The following RBFOX1 variants were observed in gnomAD, a reference collection of about 807,000 sequenced individuals.
The protein encoded by RBFOX1 is RNA binding protein fox-1 homolog 1.
In RBFOX1, 8 loss-of-function variants were observed where a neutral mutation model predicts 57.7. The ratio of observed to expected loss-of-function variants is 0.14; its 90% confidence interval spans 0.08 to 0.25. The LOEUF (loss-of-function observed/expected upper bound fraction) is 0.25, where lower values mean the gene tolerates loss of function less well. Ranked by LOEUF, RBFOX1 falls within the 10% of genes least tolerant of loss-of-function variation. The pLI is 1.00. For synonymous variants in RBFOX1, 326 were observed against 222.4 expected (o/e 1.47, Z -4.15); for missense variants, 611 against 548.5 (o/e 1.11, Z -1.14).
intron 1 of RBFOX1, among the ~76,000 whole-genome samples, chr16:6,058,429 C>T (rs1906060): frequency 0.79 from 119,701 of 151,992 alleles, 47,296 homozygotes; most frequent in Non-Finnish European, 0.81. Context: ...TCTTTTAGAC[C>T]GTGTCATTGT....
At chr16:5,452,913 T>TG (rs2068471537) in intron 1 of RBFOX1, among the ~76,000 whole-genome samples, 1 of 152,174 alleles carries the variant, frequency 6.6e-6, no homozygotes, top group Non-Finnish European at 1.5e-5. Context: ...ATTACAGGTG[T>TG]GAACCACCAC....
intron 1 of RBFOX1, among the ~76,000 whole-genome samples, chr16:6,152,721 C>T (rs560053653): frequency 3.3e-5 from 5 of 152,218 alleles, no homozygotes; most frequent in South Asian, 2.1e-4. Context: ...ACATCTTCCA[C>T]GTGGGCCCAC....
intron 3 of RBFOX1, among the ~76,000 whole-genome samples, chr16:6,815,667 C>T (rs2089911339): frequency 6.6e-6 from 1 of 152,080 alleles, no homozygotes; most frequent in South Asian, 2.1e-4. Context: ...CTTACCAGGG[C>T]CAGGATTCAA....
chr16:5,471,034 G>C (rs1364791441), intron 2 of RBFOX1, among the ~76,000 whole-genome samples: 2 of 151,992 alleles, frequency 1.3e-5, no homozygotes, highest in African/African-American at 2.4e-5. Flanking sequence ...TGTATTTTTA[G>C]TAGAGACGGG....
chr16:6,045,293 G>C (rs767647447), intron 1 of RBFOX1, among the ~76,000 whole-genome samples: 1 of 152,192 alleles, frequency 6.6e-6, no homozygotes, highest in African/African-American at 2.4e-5. Flanking sequence ...GGTGGGTACA[G>C]ATACCTTTTA....
rs1568053011 is a variant in RBFOX1, at chr16:7,290,016, A to G, written c.28-228131A>G. ...TTTAATTCTTATTATTTTTCTTCAT[A>G]GGAGAGTAAACCTATAATCTGTGCT... is the stretch of plus-strand genomic sequence containing the variant. On this transcript the variant is annotated intron_variant, in intron 4 of 15. Coordinates refer to ENST00000550418, the MANE Select transcript of RBFOX1 (RefSeq NM_018723.4). 2.0e-5 allele frequency among the ~76,000 whole-genome samples: 3 copies of G among 152,206 alleles called. No individual in the cohort carries two copies. In the South Asian group the frequency reaches 6.2e-4, roughly 31 times the overall value.
intron 3 of RBFOX1, among the ~76,000 whole-genome samples, chr16:6,676,138 A>ACGCG (rs796482455): frequency 4.3e-4 from 12 of 28,052 alleles, no homozygotes; most frequent in East Asian, 3.9e-3. Context: ...ACACACACAC[A>ACGCG]CGCGCACACA....
At chr16:7,304,199 A>G (rs1486684562) in intron 4 of RBFOX1, 42 of 951,588 alleles carry the variant, frequency 4.4e-5, no homozygotes, top group Non-Finnish European at 5.0e-5. Context: ...AGGGGGAGAG[A>G]GACAGAGAGA....
At chr16:5,909,930 G>C (rs765930528) in intron 4 of RBFOX1, among the ~76,000 whole-genome samples, 3 of 152,066 alleles carry the variant, frequency 2.0e-5, no homozygotes, top group Admixed American at 1.3e-4. Flanking sequence ...GCAGGCACCT[G>C]TAATCCCAGC....
At chr16:6,387,297 A>G (rs191807709) in intron 2 of RBFOX1, among the ~76,000 whole-genome samples, 1 of 152,050 alleles carries the variant, frequency 6.6e-6, no homozygotes, top group Non-Finnish European at 1.5e-5. Flanking sequence ...GTTGAGATGC[A>G]TTTCTCCCCA....
At chr16:6,296,752 G>T (rs1294502417) in intron 1 of RBFOX1, among the ~76,000 whole-genome samples, 1 of 152,144 alleles carries the variant, frequency 6.6e-6, no homozygotes, top group African/African-American at 2.4e-5. Flanking sequence ...CATATGGCAT[G>T]GCACTGTTAG....
In RBFOX1 at chr16:6,361,786, G is replaced by C. The variant is rs1429949692; in HGVS notation, c.-64+44729G>C. Among the ~76,000 whole-genome samples the C allele has an allele frequency of 2.6e-5, 4 of 152,162 alleles. No homozygotes were observed. In the South Asian group the frequency reaches 8.3e-4, roughly 32 times the overall value. On this transcript the variant is annotated intron_variant, in intron 2 of 15. Transcript: ENST00000550418. Reference sequence around the variant, plus strand: ...TCAGTGTATTTTAAAGATTTCCCCAGATATTTCTTATCCACAGCCAAAATT... The same window carrying C: ...TCAGTGTATTTTAAAGATTTCCCCACATATTTCTTATCCACAGCCAAAATT...
At chr16:5,811,103 A>G (rs1051117471) in intron 3 of RBFOX1, among the ~76,000 whole-genome samples, 1 of 148,174 alleles carries the variant, frequency 6.7e-6, no homozygotes, top group Admixed American at 6.7e-5. Flanking sequence ...ATTGGTTTGC[A>G]GTTTTTAGAA....
chr16:5,611,673 T>C (rs2047792602), intron 3 of RBFOX1, among the ~76,000 whole-genome samples: 1 of 134,626 alleles, frequency 7.4e-6, no homozygotes, highest in East Asian at 2.1e-4. Context: ...TACTCTCTCA[T>C]CCATCCATCC....
intron 4 of RBFOX1, among the ~76,000 whole-genome samples, chr16:7,181,575 C>G (rs1476095206): frequency 1.3e-5 from 2 of 151,804 alleles, no homozygotes; most frequent in East Asian, 1.9e-4. Context: ...CTCTTCCTCT[C>G]TTTCTCGCTT....
chr16:7,054,412 T>G (rs889565150), intron 4 of RBFOX1, among the ~76,000 whole-genome samples: 1 of 151,488 alleles, frequency 6.6e-6, no homozygotes, highest in Non-Finnish European at 1.5e-5. Context: ...GCTAATTTTT[T>G]TTGTACTTTT....
chr16:5,952,872 T>C (rs986684818), intron 4 of RBFOX1, among the ~76,000 whole-genome samples: 11 of 152,178 alleles, frequency 7.2e-5, no homozygotes, highest in African/African-American at 2.4e-4. Flanking sequence ...TTATCAGACC[T>C]CTGCCTCTGA....
chr16:5,501,785 C>T (rs2043206247), intron 2 of RBFOX1, among the ~76,000 whole-genome samples: 1 of 152,150 alleles, frequency 6.6e-6, no homozygotes, highest in African/African-American at 2.4e-5. Context: ...GCGGTCACAG[C>T]TCCCTGCAGT....
At chr16:5,397,298 C>G (rs2066586313) in intron 1 of RBFOX1, among the ~76,000 whole-genome samples, 1 of 151,798 alleles carries the variant, frequency 6.6e-6, no homozygotes, top group Non-Finnish European at 1.5e-5. Context: ...ACATTTCCTT[C>G]TGGAGTGGCA....
Sources: gnomAD v4.1 joint callset for allele counts (sites outside exome capture counted in the v4.1 genomes callset) on GRCh38, gnomAD v4.1.1 for gene constraint, MANE v1.5 for transcripts, NCBI Gene and HGNC (gene_info 2026-07-23, HGNC 2026-07-21) for gene names.